The following TMOD3 variants were observed in gnomAD, a reference collection of about 807,000 sequenced individuals.
TMOD3 encodes tropomodulin-3.
Under a neutral mutation model 39.2 loss-of-function variants are expected in TMOD3, and 20 were observed. That is an observed-to-expected ratio of 0.51 (90% confidence interval 0.36 to 0.74). The LOEUF (loss-of-function observed/expected upper bound fraction) is 0.74, where lower values mean the gene tolerates loss of function less well. TMOD3 is among the 30% of genes least tolerant of loss of function. The pLI is 0.00. For synonymous variants in TMOD3, 143 were observed against 145.8 expected (o/e 0.98, Z 0.14); for missense variants, 381 against 412.8 (o/e 0.92, Z 0.67).
At chr15:51,866,282 T>A (rs1236382936) in intron 2 of TMOD3, among the ~76,000 whole-genome samples, 1 of 152,028 alleles carries the variant, frequency 6.6e-6, no homozygotes, top group Non-Finnish European at 1.5e-5. Context: ...TAGCAAGACC[T>A]TGCCTCGACA....
chr15:51,852,351 G>C (rs2056366672), intron 1 of TMOD3, among the ~76,000 whole-genome samples: 1 of 151,902 alleles, frequency 6.6e-6, no homozygotes, highest in African/African-American at 2.4e-5. Flanking sequence ...CGCAACTGAA[G>C]AGAAGGCCTC....
At chr15:51,891,625 G>A (rs959123988) in intron 5 of TMOD3, among the ~76,000 whole-genome samples, 15 of 152,214 alleles carry the variant, frequency 9.9e-5, no homozygotes, top group African/African-American at 3.6e-4. Flanking sequence ...TCATTAAGGG[G>A]CAAGGCTCTT....
intron 1 of TMOD3, chr15:51,860,193 G>A: frequency 2.1e-6 from 1 of 477,356 alleles, no homozygotes; most frequent in Non-Finnish European, 4.1e-6. Context: ...TGTGTGTAGA[G>A]CCTGAGGGTC....
intron 3 of TMOD3, among the ~76,000 whole-genome samples, chr15:51,875,936 T>A (rs1328882998): frequency 2.6e-5 from 4 of 152,044 alleles, no homozygotes; most frequent in Non-Finnish European, 4.4e-5. Flanking sequence ...TGCTTTTAGT[T>A]GTTTCAGAAT....
chr15:51,910,291 T>G lies in TMOD3; in HGVS notation c.*1481T>G. 6.6e-6 allele frequency: 1 copy of G among 152,362 alleles called. No homozygotes were observed. Among genetic ancestry groups the G allele is most frequent in the Non-Finnish European group, 1.5e-5 (1 of 68,076 alleles). 9.4% of individuals were successfully genotyped at this position (152,362 alleles called of 1,614,324 possible). A position where few individuals can be genotyped will look rare whatever the true frequency, so the allele number is the denominator to read the frequency against. On this transcript the variant is annotated 3_prime_UTR_variant, in exon 10 of 10. Transcript: ENST00000308580. Reference sequence around the variant, plus strand: ...CATTATTAATTTTTTTTAAACTTTTTGGGCCGGGCGCAGTGGCTCACGCCT... The same window carrying G: ...CATTATTAATTTTTTTTAAACTTTTGGGGCCGGGCGCAGTGGCTCACGCCT...
At chr15:51,899,402 A>G (rs989326885) in intron 7 of TMOD3, among the ~76,000 whole-genome samples, 11 of 152,196 alleles carry the variant, frequency 7.2e-5, no homozygotes, top group Non-Finnish European at 1.6e-4. Context: ...GTAGTGGCTC[A>G]CACCTGTAAT....
In TMOD3 at chr15:51,887,636, GAA is replaced by G; in HGVS notation, c.335_336del (p.Lys112SerfsTer4). On this transcript the variant is annotated frameshift_variant, in exon 4 of 10. Coordinates refer to ENST00000308580, the MANE Select transcript of TMOD3 (RefSeq NM_014547.5). LOFTEE classifies it high-confidence loss of function. The part of the protein sequence containing the change: ...KQKPVQTFTE[E>X]KVSLDPELEE... ...GAAACCTGTACAGACTTTTACAGAA[GAA>G]AAAGTGTCTCTTGATCCAGAATTAG... 1 of 1,613,914 alleles carries G rather than the reference GAA, an allele frequency of 6.2e-7. No homozygotes were observed. The highest frequency in any genetic ancestry group is 8.5e-7 in the Non-Finnish European group (1 of 1,179,924).
At chr15:51,860,997 G>T in intron 1 of TMOD3, 2 of 600,694 alleles carry the variant, frequency 3.3e-6, no homozygotes, top group Non-Finnish European at 6.0e-6. Flanking sequence ...CCTCTTTGCT[G>T]AGGCACTTCG....
intron 1 of TMOD3, among the ~76,000 whole-genome samples, 169 bp from the exon 2 acceptor site, chr15:51,862,642 T>C (rs371163077): frequency 5.3e-5 from 8 of 152,136 alleles, no homozygotes; most frequent in Non-Finnish European, 7.4e-5. Context: ...TTTTTTTTTC[T>C]CAACACAAGG....
chr15:51,865,347 A>G (rs751359120), intron 2 of TMOD3, among the ~76,000 whole-genome samples: 3 of 152,166 alleles, frequency 2.0e-5, no homozygotes, highest in Non-Finnish European at 4.4e-5. Context: ...GGAAAACAGA[A>G]ATTAGGTAAC....
chr15:51,843,969 A>G (rs187729362), intron 1 of TMOD3, among the ~76,000 whole-genome samples: 11 of 151,046 alleles, frequency 7.3e-5, no homozygotes, highest in African/African-American at 2.2e-4. Context: ...TGTTTTTTCT[A>G]CCAAAGCACT....
intron 1 of TMOD3, among the ~76,000 whole-genome samples, chr15:51,842,561 A>G (rs561535650): frequency 3.4e-4 from 51 of 152,190 alleles, no homozygotes; most frequent in African/African-American, 1.2e-3. Context: ...TTTTTCAGCT[A>G]TTCATTCTGA....
In TMOD3 at chr15:51,829,782, C is replaced by T. The variant is rs2056244031; in HGVS notation, c.-129C>T. 2 of 152,382 alleles carry T rather than the reference C, an allele frequency of 1.3e-5. No homozygotes were observed. Among genetic ancestry groups the T allele is most frequent in the African/African-American group, 4.8e-5 (2 of 41,450 alleles). The allele number at this position is 152,382 out of a possible 1,614,324, so 9.4% of individuals were successfully genotyped here. A position where few individuals can be genotyped will look rare whatever the true frequency, so the allele number is the denominator to read the frequency against. On this transcript the variant is annotated 5_prime_UTR_variant, in exon 1 of 10. Coordinates refer to ENST00000308580, the MANE Select transcript of TMOD3 (RefSeq NM_014547.5). Reference sequence around the variant, plus strand: ...TGGGAACCGAGCCTCGGCTTGCGGCCGGCAGTTTCCGTGGGTCTGTGAAGA... The same window carrying T: ...TGGGAACCGAGCCTCGGCTTGCGGCTGGCAGTTTCCGTGGGTCTGTGAAGA...
At chr15:51,845,848 GT>G (rs137979952) in intron 1 of TMOD3, among the ~76,000 whole-genome samples, 5,386 of 152,208 alleles carry the variant, frequency 0.035, 126 homozygotes, top group Non-Finnish European at 0.05. Flanking sequence ...GTTTGTCACA[GT>G]TTGTTATAGA....
At chr15:51,857,431 A>G (rs1026224208) in intron 1 of TMOD3, among the ~76,000 whole-genome samples, 1 of 152,162 alleles carries the variant, frequency 6.6e-6, no homozygotes, top group African/African-American at 2.4e-5. Context: ...AGGAGAAGCA[A>G]TGTATTGGAG....
intron 1 of TMOD3, among the ~76,000 whole-genome samples, chr15:51,834,287 TAA>T (rs1018100808): frequency 1.2e-4 from 18 of 152,294 alleles, no homozygotes; most frequent in African/African-American, 4.1e-4. Context: ...TTAATTTTTA[TAA>T]AGTCTGTTTT....
At chr15:51,887,496 CA>C (rs2056571006) in intron 3 of TMOD3, 92 bp from the exon 4 acceptor site, 1 of 1,273,418 alleles carries the variant, frequency 7.9e-7, no homozygotes, top group South Asian at 1.6e-5. Flanking sequence ...TCTTTTCCTT[CA>C]GGTTCAGTTG....
intron 5 of TMOD3, among the ~76,000 whole-genome samples, chr15:51,892,742 C>T (rs1369816127): frequency 6.6e-6 from 1 of 152,106 alleles, no homozygotes; most frequent in Non-Finnish European, 1.5e-5. Context: ...ATTCTTACTG[C>T]CTTTATGCCA....
In TMOD3 at chr15:51,908,889, TG is replaced by T; in HGVS notation, c.*82del. The T allele has an allele frequency of 7.7e-7, 1 of 1,303,366 alleles. No individual in the cohort carries two copies. The highest frequency in any genetic ancestry group is 1.6e-5 in the South Asian group (1 of 61,910). 80.7% of individuals were successfully genotyped at this position (1,303,366 alleles called of 1,614,324 possible). ...TTGGTGACATCATGTAAAATTTTCC[TG>T]GGTAGAAGGGAAAAGACTGGAAAAA... On this transcript the variant is annotated 3_prime_UTR_variant, in exon 10 of 10. Transcript: ENST00000308580.
Sources: gnomAD v4.1 joint callset for allele counts (sites outside exome capture counted in the v4.1 genomes callset) on GRCh38, gnomAD v4.1.1 for gene constraint, MANE v1.5 for transcripts, NCBI Gene and HGNC (gene_info 2026-07-23, HGNC 2026-07-21) for gene names.